Variants in DOCK3 observed in about 807,000 individuals in gnomAD.
The protein encoded by DOCK3 is dedicator of cytokinesis 3.
A neutral mutation model predicts 265.6 loss-of-function variants in DOCK3; 60 were observed. That is an observed-to-expected ratio of 0.23 (90% CI 0.18 to 0.28). The LOEUF (loss-of-function observed/expected upper bound fraction) is 0.28, where lower values mean the gene tolerates loss of function less well. DOCK3 is among the 10% of genes least tolerant of loss of function. The pLI is 1.00. For synonymous variants in DOCK3, 881 were observed against 938.0 expected, an observed-to-expected ratio of 0.94 and a Z score of 1.11; for missense variants, 1,981 against 2,594.3, an observed-to-expected ratio of 0.76 and a Z score of 5.14.
At chr3:50,784,917 G>C (rs555608269) in intron 2 of DOCK3, among the ~76,000 whole-genome samples, 1 of 152,326 alleles carries the variant, frequency 6.6e-6, no homozygotes, top group East Asian at 1.9e-4. Context: ...AGCACTTTGG[G>C]AAGCCAAGGC....
intron 27 of DOCK3, among the ~76,000 whole-genome samples, chr3:51,308,265 G>T (rs150658930): frequency 6.7e-6 from 1 of 149,340 alleles, no homozygotes; most frequent in East Asian, 2.0e-4. Context: ...GTTTCTCGCA[G>T]AGGGGGATTT....
At chr3:51,334,015 T>G (rs572808919) in intron 35 of DOCK3, among the ~76,000 whole-genome samples, 1 of 152,052 alleles carries the variant, frequency 6.6e-6, no homozygotes, top group East Asian at 1.9e-4. Context: ...TAATTTTTTG[T>G]TTTTTGTTTT....
chr3:50,691,476 T>C (rs1013757361), intron 1 of DOCK3, among the ~76,000 whole-genome samples: 4 of 152,184 alleles, frequency 2.6e-5, no homozygotes, highest in Non-Finnish European at 4.4e-5. Flanking sequence ...TGATGGACAC[T>C]TGGGTTGTTT....
At chr3:50,906,020 T>A (rs1390882874) in intron 4 of DOCK3, among the ~76,000 whole-genome samples, 1 of 152,124 alleles carries the variant, frequency 6.6e-6, no homozygotes, top group Non-Finnish European at 1.5e-5. Context: ...ATTGAGATAA[T>A]CATGTGGTTT....
At chr3:50,978,927 C>T (rs978064475) in intron 5 of DOCK3, among the ~76,000 whole-genome samples, 1 of 152,166 alleles carries the variant, frequency 6.6e-6, no homozygotes, top group Non-Finnish European at 1.5e-5. Context: ...GTCCGTCACC[C>T]CTTTCTTTGA....
chr3:51,314,369 G>C (rs565276051), intron 31 of DOCK3, among the ~76,000 whole-genome samples: 6 of 152,304 alleles, frequency 3.9e-5, no homozygotes, highest in African/African-American at 7.2e-5. Flanking sequence ...GGGAGTTCAG[G>C]GTGGGTAAAG....
intron 8 of DOCK3, among the ~76,000 whole-genome samples, chr3:51,089,898 CAAAA>C (rs1166631932): frequency 2.4e-4 from 10 of 42,302 alleles, no homozygotes; most frequent in African/African-American, 4.7e-4. Flanking sequence ...GACTCTGTCT[CAAAA>C]AAAAAAAAAA....
intron 23 of DOCK3, among the ~76,000 whole-genome samples, chr3:51,265,016 G>A (rs1386672503): frequency 4.6e-5 from 7 of 151,732 alleles, no homozygotes; most frequent in Non-Finnish European, 7.4e-5. Flanking sequence ...GTGATAAAGG[G>A]GCAATCACCA....
chr3:50,684,223 A>G (rs2034624406), intron 1 of DOCK3, among the ~76,000 whole-genome samples: 1 of 152,074 alleles, frequency 6.6e-6, no homozygotes, highest in East Asian at 1.9e-4. Flanking sequence ...TATGTCATTT[A>G]TCCTTCTAGA....
chr3:50,788,073 G>GATGT, intron 2 of DOCK3: 3 of 746,010 alleles, frequency 4.0e-6, no homozygotes. Flanking sequence ...GTTTCATGGA[G>GATGT]ATGTAGTTTG....
intron 1 of DOCK3, among the ~76,000 whole-genome samples, chr3:50,742,864 T>G (rs1311183298): frequency 6.6e-6 from 1 of 151,828 alleles, no homozygotes; most frequent in Non-Finnish European, 1.5e-5. Flanking sequence ...AGATACTCCT[T>G]GAGAAGAGCA....
rs533329542 is a variant in DOCK3 at position 50,752,695 on chromosome 3, T to A, written c.38-25980T>A. 1.3e-5 allele frequency among the ~76,000 whole-genome samples: 2 copies of A among 152,068 alleles called. 1 individual carries two copies. Among genetic ancestry groups the A allele is most frequent in the South Asian group, 4.2e-4 (2 of 4,808 alleles). ...CAGGAGGCTGAAGCAGGAGAATCATTTGAACCCAGGAGGCAGAGGTTGCAC... is the reference window on the plus strand; with the variant it reads ...CAGGAGGCTGAAGCAGGAGAATCATATGAACCCAGGAGGCAGAGGTTGCAC... On this transcript the variant is annotated intron_variant, in intron 1 of 52. Transcript: ENST00000266037.
intron 5 of DOCK3, among the ~76,000 whole-genome samples, chr3:51,048,127 A>G (rs1157276844): frequency 6.6e-6 from 1 of 152,138 alleles, no homozygotes; most frequent in Non-Finnish European, 1.5e-5. Flanking sequence ...TAAAAATCAT[A>G]TGATCATCTC....
chr3:51,240,144 A>T (rs920972919), intron 21 of DOCK3, among the ~76,000 whole-genome samples: 1 of 152,288 alleles, frequency 6.6e-6, no homozygotes, highest in Non-Finnish European at 1.5e-5. Flanking sequence ...GGTATGCTGT[A>T]TCTTTATTCT....
chr3:51,056,766 A>T (rs2081217347), intron 5 of DOCK3, among the ~76,000 whole-genome samples: 1 of 152,154 alleles, frequency 6.6e-6, no homozygotes, highest in Non-Finnish European at 1.5e-5. Flanking sequence ...TTAATTTGTT[A>T]AAAAGAAAGT....
chr3:51,036,840 T>C (rs1170270347), intron 5 of DOCK3, among the ~76,000 whole-genome samples: 3 of 152,188 alleles, frequency 2.0e-5, no homozygotes, highest in East Asian at 1.9e-4. Context: ...GTTCACCTGA[T>C]GGTGATTAAA....
At chr3:50,748,120 C>T (rs1025522691) in intron 1 of DOCK3, among the ~76,000 whole-genome samples, 1 of 152,120 alleles carries the variant, frequency 6.6e-6, no homozygotes, top group African/African-American at 2.4e-5. Context: ...ACTGCCCTGG[C>T]TACAGCCGTC....
chr3:50,755,371 G>A (rs898294925), intron 1 of DOCK3, among the ~76,000 whole-genome samples: 1 of 152,072 alleles, frequency 6.6e-6, no homozygotes, highest in Non-Finnish European at 1.5e-5. Context: ...TCCATGTATA[G>A]TATCACCACC....
chr3:51,242,215 G>A (rs1165625292), intron 21 of DOCK3, among the ~76,000 whole-genome samples: 6 of 152,128 alleles, frequency 3.9e-5, no homozygotes, highest in African/African-American at 1.4e-4. Context: ...CTCCTGGACT[G>A]TGCACTCTAA....
Sources: gnomAD v4.1 joint callset for allele counts (sites outside exome capture counted in the v4.1 genomes callset) on GRCh38, gnomAD v4.1.1 for gene constraint, MANE v1.5 for transcripts, NCBI Gene and HGNC (gene_info 2026-07-23, HGNC 2026-07-21) for gene names.